Variants in ZFYVE26 observed in about 807,000 individuals in gnomAD.
ZFYVE26 encodes the protein zinc finger FYVE-type containing 26, also known as zinc finger FYVE domain-containing protein 26.
ZFYVE26 carries 181 observed loss-of-function variants against 276.5 expected under a neutral mutation model. The ratio of observed to expected loss-of-function variants is 0.65; its 90% CI spans 0.58 to 0.74. The LOEUF (loss-of-function observed/expected upper bound fraction) is 0.74, where lower values mean the gene tolerates loss of function less well. Among genes scored for constraint, ZFYVE26 ranks in the 30% least tolerant of loss-of-function variants. The probability of loss-of-function intolerance (pLI) is 0.00; values close to 1 mark genes in which losing one functional copy is unlikely to be tolerated. For synonymous variants in ZFYVE26, 1,129 were observed against 1,203.1 expected, an observed-to-expected ratio of 0.94 and a Z score of 1.27; for missense variants, 2,821 against 3,097.9, an observed-to-expected ratio of 0.91 and a Z score of 2.12.
intron 26 of ZFYVE26, 102 bp downstream of exon 26, chr14:67,775,758 A>C: frequency 6.4e-7 from 1 of 1,565,206 alleles, no homozygotes; most frequent in Non-Finnish European, 8.8e-7. Flanking sequence ...CATTCACTCT[A>C]GATCAACCCA....
Position 67,775,850 on chromosome 14 carries a change from T to G in ZFYVE26, c.5221+10A>C. On this transcript the variant is annotated intron_variant, in intron 26 of 41. Coordinates refer to ENST00000347230, the MANE Select transcript of ZFYVE26 (RefSeq NM_015346.4). ...CATGTAGAATCCCCTTCTAGGATGC[T>G]AGCAGTTACCTGATCGTTTCTCCCT... The G allele has an allele frequency of 6.2e-7, 1 of 1,614,206 alleles. No individual in the cohort carries two copies. The highest frequency in any genetic ancestry group is 1.3e-5 in the African/African-American group (1 of 75,072).
rs368951103 is a variant in ZFYVE26, at chr14:67,751,016, T to C, written c.7416+36A>G. 2.8e-4 allele frequency: 444 copies of C among 1,613,972 alleles called. 4 individuals are homozygous for C. The South Asian group carries it at 3.3e-3, about 12-fold the overall frequency. On this transcript the variant is annotated intron_variant, in intron 41 of 41. Coordinates refer to ENST00000347230, the MANE Select transcript of ZFYVE26 (RefSeq NM_015346.4). ...CTAGGCAAGCCTGAGACACAATTCA[T>C]TGGCATCACCAGCGTTTGGAGACAA... is the stretch of plus-strand genomic sequence containing the variant.
chr14:67,764,400 T>G (rs886884123), intron 32 of ZFYVE26, among the ~76,000 whole-genome samples: 1 of 152,188 alleles, frequency 6.6e-6, no homozygotes, highest in Non-Finnish European at 1.5e-5. Context: ...ATTTTTATGT[T>G]TTTAGAGACA....
intron 20 of ZFYVE26, 26 bp downstream of exon 20, chr14:67,784,308 C>A (rs1291231467): frequency 6.3e-7 from 1 of 1,596,088 alleles, no homozygotes; most frequent in Admixed American, 1.7e-5. Flanking sequence ...AGGCCCATGG[C>A]TGACTTGCAT....
intron 20 of ZFYVE26, among the ~76,000 whole-genome samples, chr14:67,783,815 A>G (rs2039576978): frequency 6.6e-6 from 1 of 152,220 alleles, no homozygotes; most frequent in East Asian, 1.9e-4. Flanking sequence ...GGCTCCTGTT[A>G]GTGGACAATG....
At chr14:67,743,552 A>G (rs952569736), downstream of ZFYVE26, among the ~76,000 whole-genome samples, 1 of 122,582 alleles carries the variant, frequency 8.2e-6, no homozygotes, top group African/African-American at 2.9e-5. Flanking sequence ...AAAATAAAAT[A>G]AAATAAAGCA....
At chr14:67,769,752 A>C (rs1594898659) in intron 28 of ZFYVE26, 22 bp from the exon 29 acceptor site, 1 of 1,613,914 alleles carries the variant, frequency 6.2e-7, no homozygotes, top group East Asian at 2.2e-5. Flanking sequence ...CATCAGGAGG[A>C]GAAGAAAGAG....
intron 21 of ZFYVE26, among the ~76,000 whole-genome samples, chr14:67,782,484 G>C (rs1258084732): frequency 3.3e-5 from 5 of 152,138 alleles, no homozygotes; most frequent in African/African-American, 1.2e-4. Flanking sequence ...CTCTGGGGAA[G>C]GGACCCAAAC....
At chr14:67,785,785 G>C in intron 18 of ZFYVE26, 73 bp downstream of exon 18, 1 of 1,602,750 alleles carries the variant, frequency 6.2e-7, no homozygotes. Flanking sequence ...CTGCTCCAAA[G>C]TGCTTCGTTA....
At chr14:67,750,841 G>T in intron 41 of ZFYVE26, 1 of 650,558 alleles carries the variant, frequency 1.5e-6, no homozygotes, top group Non-Finnish European at 2.8e-6. Flanking sequence ...GACTTGGGAA[G>T]GCAAAGACGC....
At chr14:67,729,172 T>C (rs1405342278) in intron 14 of ZFYVE26, 1 of 1,612,374 alleles carries the variant, frequency 6.2e-7, no homozygotes. Context: ...CTGATCTAAT[T>C]GTGCCCTCTT....
rs764478609 is a variant in ZFYVE26 at position 67,798,405 on chromosome 14, G to A, written c.1857C>T (p.Ser619=). The A allele has an allele frequency of 1.3e-5, 21 of 1,613,062 alleles. No homozygotes were observed. Among genetic ancestry groups the A allele is most frequent in the Non-Finnish European group, 1.7e-5 (20 of 1,179,330 alleles). Residue 619 remains serine (S), a synonymous_variant, in exon 11 of 42, where the codon AGC becomes AGT. Transcript: ENST00000347230. ...TTTCAGGATGTGCTATGTGCTGAGG[G>A]CTCTCTGATGGGGACCTCAAACCTG... ...SPSGLRSPSE[S]PQHIAHPERK... is the part of the protein sequence containing the mutation.
intron 28 of ZFYVE26, chr14:67,770,306 A>G (rs531826386): frequency 6.0e-6 from 1 of 165,864 alleles, no homozygotes; most frequent in Admixed American, 5.7e-5. Flanking sequence ...TCTACTAAAA[A>G]TACAAAAATT....
rs2040150135 is a variant in ZFYVE26 at position 67,805,121 on chromosome 14, C to T, written c.1271+96G>A. The T allele has an allele frequency of 4.0e-6, 5 of 1,247,344 alleles. No individual in the cohort carries two copies. In the Admixed American group the frequency reaches 7.9e-5, roughly 20 times the overall value. The allele number at this position is 1,247,344 out of a possible 1,614,324, so 77.3% of individuals were successfully genotyped here. A position where few individuals can be genotyped will look rare whatever the true frequency, so the allele number is the denominator to read the frequency against. On this transcript the variant is annotated intron_variant, in intron 8 of 41. Coordinates refer to ENST00000347230, the MANE Select transcript of ZFYVE26 (RefSeq NM_015346.4). ...GCTGGTCAACATTGCCAACTCAAAA[C>T]ATTTATGTGGAAAACGCCTTGAAAT...
chr14:67,750,073 A>C (rs1475916777), intron 41 of ZFYVE26, among the ~76,000 whole-genome samples: 1 of 152,190 alleles, frequency 6.6e-6, no homozygotes, highest in Non-Finnish European at 1.5e-5. Context: ...AGGCTCAGTG[A>C]AGGCTTGAGA....
At chr14:67,765,508 G>A (rs931424121) in intron 32 of ZFYVE26, among the ~76,000 whole-genome samples, 2 of 152,172 alleles carry the variant, frequency 1.3e-5, no homozygotes, top group African/African-American at 4.8e-5. Context: ...AATGTCTGAG[G>A]GAGGCAATGA....
chr14:67,768,484 T>G (rs760045492), intron 30 of ZFYVE26, 33 bp downstream of exon 30: 3 of 1,612,022 alleles, frequency 1.9e-6, no homozygotes, highest in Non-Finnish European at 2.5e-6. Flanking sequence ...AGTACACAAA[T>G]GAAGAGTCAC....
In ZFYVE26 at chr14:67,759,546, C is replaced by T. The variant is rs1263779456; in HGVS notation, c.6588+1820G>A. ...GTCTGAGGCAGGAGAATCGTTTGAA[C>T]CTGGGAAGCAGAGGTTGTAGTGAGC... On this transcript the variant is annotated intron_variant, in intron 35 of 41. Transcript: ENST00000347230. 2.8e-5 allele frequency among the ~76,000 whole-genome samples: 4 copies of T among 143,718 alleles called. No homozygotes were observed. In the Admixed American group the frequency reaches 3.0e-4, roughly 11 times the overall value. The allele number at this position is 143,718 out of a possible 152,430, so 94.3% of individuals were successfully genotyped here. A position where few individuals can be genotyped will look rare whatever the true frequency, so the allele number is the denominator to read the frequency against.
At chr14:67,803,685 G>T (rs1326931329) in intron 9 of ZFYVE26, among the ~76,000 whole-genome samples, 1 of 151,950 alleles carries the variant, frequency 6.6e-6, no homozygotes, top group Non-Finnish European at 1.5e-5. Flanking sequence ...GTTATATGGA[G>T]TATGAAGTGG....
Sources: allele counts gnomAD v4.1 joint callset (sites outside exome capture counted in the v4.1 genomes callset), GRCh38; gene constraint gnomAD v4.1.1; transcripts MANE v1.5; gene names NCBI Gene and HGNC (gene_info 2026-07-23, HGNC 2026-07-21).